The following KDM2B variants were observed in gnomAD, a reference collection of about 807,000 sequenced individuals.
KDM2B encodes the protein lysine demethylase 2B.
In KDM2B, 26 loss-of-function variants were observed where a neutral mutation model predicts 150.0. That is an observed-to-expected ratio of 0.17 (90% confidence interval 0.13 to 0.24). KDM2B has a LOEUF of 0.24. KDM2B is among the 10% of genes least tolerant of loss of function. KDM2B has a pLI of 1.00. For missense variants in KDM2B, 1,265 were observed against 1,816.9 expected (o/e 0.70, Z 5.52); for synonymous variants, 734 against 729.5 (o/e 1.01, Z -0.10).
At position 121,475,030 on chromosome 12, in the gene KDM2B, C is replaced by T. The variant is rs552088105; in HGVS notation, c.1734+19549G>A. Among the ~76,000 whole-genome samples the T allele has an allele frequency of 2.6e-5, 4 of 152,286 alleles. No homozygotes were observed. In the South Asian group the frequency reaches 8.3e-4, roughly 32 times the overall value. On this transcript the variant is annotated intron_variant, in intron 12 of 22. Coordinates refer to ENST00000377071, the MANE Select transcript of KDM2B (RefSeq NM_032590.5). ...AGTATTCATACAGTAGCATGCTGTA[C>T]AAGTTTGCAGCCCAGGAGCAACAGG... is the stretch of plus-strand genomic sequence containing the variant.
intron 4 of KDM2B, among the ~76,000 whole-genome samples, chr12:121,559,699 G>A (rs561424414): frequency 1.1e-4 from 16 of 152,016 alleles, no homozygotes; most frequent in Admixed American, 2.0e-4. Context: ...TCGGGAGTTC[G>A]AGACCAGCCT....
chr12:121,509,528 C>T, intron 11 of KDM2B, 39 bp downstream of exon 11: 1 of 1,599,628 alleles, frequency 6.3e-7, no homozygotes, highest in Non-Finnish European at 8.5e-7. Flanking sequence ...CTGCCCGGCC[C>T]TCCTCGGCCG....
intron 8 of KDM2B, among the ~76,000 whole-genome samples, chr12:121,526,007 C>G (rs1259508305): frequency 6.6e-6 from 1 of 152,174 alleles, no homozygotes; most frequent in Non-Finnish European, 1.5e-5. Context: ...TGTCTTATGT[C>G]CCCTCCAAGG....
At chr12:121,557,002 G>T (rs887895085) in intron 4 of KDM2B, among the ~76,000 whole-genome samples, 2 of 151,962 alleles carry the variant, frequency 1.3e-5, no homozygotes, top group Non-Finnish European at 2.9e-5. Context: ...GTAGACGCAG[G>T]GAAGGCACTA....
chr12:121,479,764 G>A (rs1016439486), intron 12 of KDM2B, among the ~76,000 whole-genome samples: 1 of 151,922 alleles, frequency 6.6e-6, no homozygotes, highest in African/African-American at 2.4e-5. Flanking sequence ...TGGGATTACA[G>A]GCACGTGCCA....
At chr12:121,498,952 AG>A (rs1340708951) in intron 11 of KDM2B, among the ~76,000 whole-genome samples, 2 of 151,952 alleles carry the variant, frequency 1.3e-5, no homozygotes, top group Admixed American at 1.3e-4. Flanking sequence ...AACTGGGAAA[AG>A]AATGCACCAC....
rs1202623556 is a variant in KDM2B at position 121,463,286 on chromosome 12, A to C, written c.1735-9942T>G. Among the ~76,000 whole-genome samples, 6 of 152,194 alleles carry C rather than the reference A, an allele frequency of 3.9e-5. No individual in the cohort carries two copies. In the East Asian group the frequency reaches 7.7e-4, roughly 20 times the overall value. The stretch of plus-strand genomic sequence containing the variant: ...AGCTGAGATCGCGTCACTGCACTCC[A>C]GCCTGGACAACAGAGCGAGACTCCG... On this transcript the variant is annotated intron_variant, in intron 12 of 22. Transcript: ENST00000377071.
chr12:121,554,970 A>G (rs1441560483), intron 4 of KDM2B, among the ~76,000 whole-genome samples: 1 of 152,116 alleles, frequency 6.6e-6, no homozygotes, highest in Non-Finnish European at 1.5e-5. Context: ...AGGATCACTT[A>G]AGCCCAGGAG....
At position 121,453,307 on chromosome 12, in the gene KDM2B, G is replaced by C. The variant is rs781784190; in HGVS notation, c.1772C>G (p.Pro591Arg). 6.3e-7 allele frequency: 1 copy of C among 1,596,074 alleles called. No homozygotes were observed. The highest frequency in any genetic ancestry group is 1.3e-5 in the African/African-American group (1 of 74,402). The change falls in exon 13 of 23, where the codon CCG becomes CGG. Residue 591 changes from proline to arginine, a missense_variant. Around this residue, in one of 11 missense-constraint regions of KDM2B, gnomAD observed 69 missense variants for 85.7 expected, o/e 0.81. Transcript: ENST00000377071. The surrounding 1 kb of genome is among the most constrained non-coding windows in gnomAD (Gnocchi z 6.4). ...AVGRPKGKLG[P>R]ASAVKLAANR... ...GGCGGCCAACTTCACCGCGGAGGCC[G>C]GGCCCAGCTTCCCCTTGGGCCGACC... is the stretch of plus-strand genomic sequence containing the variant.
the KDM2B span, among the ~76,000 whole-genome samples, chr12:121,421,370 CT>C: frequency 3.8e-5 from 1 of 26,250 alleles, no homozygotes; most frequent in Non-Finnish European, 7.0e-5. Context: ...GATCCCATCT[CT>C]AAAAAAAAAA....
In KDM2B at chr12:121,429,701, G is replaced by A. The variant is rs912737296; in HGVS notation, c.*587C>T. Reference sequence around the variant, plus strand: ...GATGGGTTGTGTCGATGAAGTACACGTTAAATTCTCTCCTACCTTAAGGAA... The same window carrying A: ...GATGGGTTGTGTCGATGAAGTACACATTAAATTCTCTCCTACCTTAAGGAA... On this transcript the variant is annotated 3_prime_UTR_variant, in exon 23 of 23. Transcript: ENST00000377071. The A allele has an allele frequency of 1.3e-4, 51 of 381,418 alleles. No homozygotes were observed. Among genetic ancestry groups the A allele is most frequent in the Non-Finnish European group, 2.1e-4 (45 of 212,992 alleles). The allele number at this position is 381,418 out of a possible 1,614,324, so 23.6% of individuals were successfully genotyped here.
At chr12:121,470,720 A>G (rs1880685196) in intron 12 of KDM2B, among the ~76,000 whole-genome samples, 1 of 130,402 alleles carries the variant, frequency 7.7e-6, no homozygotes, top group South Asian at 2.4e-4. Context: ...TTCATGCCAG[A>G]GACGAGGAGG....
downstream of KDM2B, chr12:121,424,338 G>A (rs1225444726): frequency 1.3e-5 from 2 of 152,658 alleles, no homozygotes; most frequent in African/African-American, 2.4e-5. Context: ...AATAAAATTA[G>A]TTTTAAAAGC....
chr12:121,429,005 A>G (rs908205329), downstream of KDM2B: 1 of 152,376 alleles, frequency 6.6e-6, no homozygotes, highest in Admixed American at 6.5e-5. Flanking sequence ...CTTTCCCGTT[A>G]CCTTTACTAG....
At chr12:121,473,683 C>A (rs1555296239) in intron 12 of KDM2B, among the ~76,000 whole-genome samples, 1 of 144,336 alleles carries the variant, frequency 6.9e-6, no homozygotes, top group Non-Finnish European at 1.5e-5. Context: ...TGAGCCACTG[C>A]ACTCCAGCCT....
intron 10 of KDM2B, among the ~76,000 whole-genome samples, chr12:121,511,505 C>T (rs1885590070): frequency 1.3e-5 from 2 of 152,098 alleles, no homozygotes; most frequent in East Asian, 3.9e-4. Context: ...AGGCTGATCT[C>T]GAACTCCTGA....
At chr12:121,495,323 G>C (rs1555300776) in intron 11 of KDM2B, among the ~76,000 whole-genome samples, 1 of 152,140 alleles carries the variant, frequency 6.6e-6, no homozygotes, top group Non-Finnish European at 1.5e-5. Context: ...ACCACGCTGG[G>C]CTAATTTTTG....
intron 22 of KDM2B, among the ~76,000 whole-genome samples, chr12:121,438,266 A>C (rs1262892386): frequency 3.3e-5 from 5 of 151,998 alleles, no homozygotes. Context: ...AAAAAAAAAA[A>C]AAAGAATGCA....
chr12:121,531,684 A>C (rs1446023132), intron 8 of KDM2B, among the ~76,000 whole-genome samples: 1 of 152,082 alleles, frequency 6.6e-6, no homozygotes, highest in African/African-American at 2.4e-5. Context: ...TCCTCATGTA[A>C]AGCAACCCAA....
Sources: allele counts gnomAD v4.1 joint callset (sites outside exome capture counted in the v4.1 genomes callset), GRCh38; gene constraint gnomAD v4.1.1; regional missense constraint gnomAD v4.1.1; non-coding constraint Gnocchi (gnomAD v3.1); transcripts MANE v1.5; gene names NCBI Gene and HGNC (gene_info 2026-07-23, HGNC 2026-07-21).